Variants in ITPA observed in about 807,000 individuals in gnomAD.
ITPA encodes inosine triphosphatase.
A neutral mutation model predicts 29.6 loss-of-function variants in ITPA; 29 were observed. The ratio of observed to expected loss-of-function variants is 0.98; its 90% confidence interval spans 0.73 to 1.34. The LOEUF is 1.34. Ranked by LOEUF, ITPA falls within the 40% of genes most tolerant of loss-of-function variation. The pLI, the probability that ITPA is intolerant of heterozygous loss-of-function variation, is 0.00. For missense variants in ITPA, 241 were observed against 251.5 expected, an observed-to-expected ratio of 0.96 and a Z score of 0.28; for synonymous variants, 103 against 99.3, an observed-to-expected ratio of 1.04 and a Z score of -0.22.
At chr20:3,211,231 T>C (rs1207012249) in intron 1 of ITPA, among the ~76,000 whole-genome samples, 1 of 150,106 alleles carries the variant, frequency 6.7e-6, no homozygotes, top group Non-Finnish European at 1.5e-5. Context: ...AGTGGTGCGA[T>C]CTCTGCTGAC....
rs928104127 is a variant in ITPA at position 3,218,523 on chromosome 20, A to G, written c.302A>G (p.His101Arg). The G allele has an allele frequency of 3.1e-6, 5 of 1,613,384 alleles. No individual in the cohort carries two copies. Among genetic ancestry groups the G allele is most frequent in the Non-Finnish European group, 4.2e-6 (5 of 1,179,730 alleles). Residue 101 changes from histidine (H) to arginine (R), a missense_variant, in exon 6 of 8, where the codon CAC becomes CGC. His to Arg is a conservative substitution (Grantham distance 29, BLOSUM62 0). Coordinates refer to ENST00000380113, the MANE Select transcript of ITPA (RefSeq NM_033453.4). ...CCTCACTGCCCACCCGCAGGTCTCC[A>G]CCAGCTCCTGGCCGGGTTCGAGGAC... is the stretch of plus-strand genomic sequence containing the variant. The part of the protein sequence containing the change: ...FLEKLKPEGL[H>R]QLLAGFEDKS...
chr20:3,210,181 C>T (rs1164662969), intron 1 of ITPA, among the ~76,000 whole-genome samples: 1 of 152,194 alleles, frequency 6.6e-6, no homozygotes, highest in Non-Finnish European at 1.5e-5. Flanking sequence ...TTTCTGTTTG[C>T]AGGGACTTTG....
chr20:3,210,501 C>A (rs1320119304), intron 1 of ITPA, among the ~76,000 whole-genome samples: 3 of 152,118 alleles, frequency 2.0e-5, no homozygotes, highest in Non-Finnish European at 2.9e-5. Context: ...AGGATGACAC[C>A]CACTGGATAT....
chr20:3,221,213 TC>T (rs200379661), intron 6 of ITPA, among the ~76,000 whole-genome samples: 7,797 of 147,958 alleles, frequency 0.053, 690 homozygotes, highest in African/African-American at 0.18. Context: ...TTCTTTTCTT[TC>T]TTTTTTTTTT....
At chr20:3,204,743 C>A, upstream of ITPA, 1 of 1,007,446 alleles carries the variant, frequency 9.9e-7, no homozygotes, top group South Asian at 1.5e-5. Context: ...CCCAGCGGCA[C>A]ATCACAGAGA....
chr20:3,209,272 G>A (rs1016464065), upstream of ITPA: 3 of 514,842 alleles, frequency 5.8e-6, no homozygotes, highest in South Asian at 4.0e-5. This position sits in a 1 kb window ranked among gnomAD's most constrained non-coding sequence, Gnocchi z 4.6. Context: ...CGGGGTGGGG[G>A]TGGGAGTGGT....
upstream of ITPA, among the ~76,000 whole-genome samples, chr20:3,207,328 T>TGATCCACTGTGCCCAAGC (rs1182919999): frequency 5.9e-5 from 9 of 152,304 alleles, no homozygotes; most frequent in East Asian, 1.2e-3. Flanking sequence ...TGGGATCAAG[T>TGATCCACTGTGCCCAAGC]GATCCACTGT....
In ITPA at chr20:3,209,500, C is replaced by G; in HGVS notation, c.-52C>G. On this transcript the variant is annotated 5_prime_UTR_variant, in exon 1 of 8. Coordinates refer to ENST00000380113, the MANE Select transcript of ITPA (RefSeq NM_033453.4). The surrounding 1 kb of genome is among the most constrained non-coding windows in gnomAD (Gnocchi z 4.6). ...CCGCCACCAGCCGGAAGTTTTCTGTCACTGGACGCCAAGGAGTTTTCGGTG... is the reference window on the plus strand; with the variant it reads ...CCGCCACCAGCCGGAAGTTTTCTGTGACTGGACGCCAAGGAGTTTTCGGTG... The G allele has an allele frequency of 2.6e-6, 4 of 1,546,468 alleles. No homozygotes were observed. Among genetic ancestry groups the G allele is most frequent in the Non-Finnish European group, 2.7e-6 (3 of 1,119,570 alleles).
At chr20:3,210,591 T>C (rs150628837) in intron 1 of ITPA, among the ~76,000 whole-genome samples, 2 of 152,200 alleles carry the variant, frequency 1.3e-5, no homozygotes, top group East Asian at 3.9e-4. Flanking sequence ...GATGTCACTT[T>C]GGTGCCAGGA....
At chr20:3,204,485 A>T (rs374433462), upstream of ITPA, 1,501 of 1,521,256 alleles carry the variant, frequency 9.9e-4, 10 homozygotes, top group Non-Finnish European at 4.7e-4. Context: ...ACAAAGGCTC[A>T]GAAGGCCAGA....
At chr20:3,213,812 A>ATAAGAGATTGGCCAAAGT (rs2067227858) in intron 3 of ITPA, among the ~76,000 whole-genome samples, 173 bp from the exon 4 acceptor site, 1 of 152,144 alleles carries the variant, frequency 6.6e-6, no homozygotes, top group African/African-American at 2.4e-5. Context: ...TCCTCATAAG[A>ATAAGAGATTGGCCAAAGT]TAAGAGATTG....
At position 3,214,054 on chromosome 20, in the gene ITPA, T is replaced by C; in HGVS notation, c.259T>C (p.Tyr87His). The change falls in exon 4 of 8, where the codon TAC becomes CAC. Residue 87 changes from tyrosine (Y) to histidine (H), a missense_variant. Transcript: ENST00000380113. ...FNALGGLPGPYIKWFLEKLKP... is the reference protein window; with the variant it reads ...FNALGGLPGPHIKWFLEKLKP... ...TGCCCTTGGAGGGCTCCCCGGCCCC[T>C]ACATGTGAGTGACTACCTCCACCCC... 3 of 1,614,144 alleles carry C rather than the reference T, an allele frequency of 1.9e-6. No individual in the cohort carries two copies. Among genetic ancestry groups the C allele is most frequent in the Non-Finnish European group, 2.5e-6 (3 of 1,179,994 alleles).
upstream of ITPA, chr20:3,209,162 GT>G: frequency 9.3e-6 from 3 of 323,946 alleles, no homozygotes; most frequent in Non-Finnish European, 1.8e-5. This position sits in a 1 kb window ranked among gnomAD's most constrained non-coding sequence, Gnocchi z 4.6. Flanking sequence ...GAAGGAGGCA[GT>G]TTTTTGAGAC....
chr20:3,214,569 A>ATTATT (rs971892522), intron 4 of ITPA, among the ~76,000 whole-genome samples: 152 of 149,950 alleles, frequency 1.0e-3, no homozygotes, highest in South Asian at 7.3e-3. Context: ...TAATTTTTTA[A>ATTATT]TTATTTTATT....
intron 4 of ITPA, among the ~76,000 whole-genome samples, chr20:3,214,363 C>CTTTTT (rs57982806): frequency 2.8e-4 from 32 of 112,916 alleles, no homozygotes; most frequent in Non-Finnish European, 4.6e-4. Context: ...TTCTTCCTTT[C>CTTTTT]TTTTTTTTTT....
At chr20:3,213,467 G>A in intron 3 of ITPA, 84 bp downstream of exon 3, 2 of 1,537,902 alleles carry the variant, frequency 1.3e-6, no homozygotes, top group East Asian at 2.3e-5. Context: ...CAATAGAGTA[G>A]ACACAGTTTG....
upstream of ITPA, chr20:3,209,324 G>C: frequency 1.6e-6 from 1 of 619,554 alleles, no homozygotes; most frequent in Non-Finnish European, 2.9e-6. This position sits in a 1 kb window ranked among gnomAD's most constrained non-coding sequence, Gnocchi z 4.6. Flanking sequence ...GGCAGGAGGG[G>C]TGGGTCACTC....
chr20:3,217,940 T>C (rs1018325723), intron 5 of ITPA, among the ~76,000 whole-genome samples: 18 of 146,734 alleles, frequency 1.2e-4, no homozygotes, highest in Admixed American at 1.1e-3. Context: ...TTTCCTGAGA[T>C]GGAGTCTCGC....
chr20:3,213,135 A>G (rs1157787693), intron 1 of ITPA, 34 bp from the exon 2 acceptor site: 4 of 1,586,186 alleles, frequency 2.5e-6, no homozygotes, highest in Non-Finnish European at 3.5e-6. Context: ...GAATCACTAG[A>G]TGGTGATAAG....
Sources: gnomAD v4.1 joint callset for allele counts (sites outside exome capture counted in the v4.1 genomes callset) on GRCh38, gnomAD v4.1.1 for gene constraint, Gnocchi (gnomAD v3.1) non-coding constraint, MANE v1.5 for transcripts, NCBI Gene and HGNC (gene_info 2026-07-23, HGNC 2026-07-21) for gene names.